ERAP1: variants seen among roughly 807,000 people sequenced by gnomAD.
ERAP1 encodes the protein adipocyte-derived leucine aminopeptidase.
A neutral mutation model predicts 103.7 loss-of-function variants in ERAP1; 86 were observed. The ratio of observed to expected loss-of-function variants is 0.83; its 90% CI spans 0.70 to 0.99. The LOEUF is 0.99. Among genes scored for constraint, ERAP1 ranks in the 50% least tolerant of loss-of-function variants. The pLI is 0.00. For missense variants in ERAP1, 1,009 were observed against 1,128.4 expected (o/e 0.89, Z 1.52); for synonymous variants, 398 against 402.4 (o/e 0.99, Z 0.13).
Position 96,803,557 on chromosome 5 carries a change from C to T in ERAP1, c.370G>A (p.Glu124Lys). ...RLSEEPLQVL[E>K]HPRQEQIALL... ...GCAATTTGCTCCTGACGGGGGTGTT[C>T]CAGGACCTGCAGGGGTTCTTCCGAT... Residue 124 changes from glutamate (E) to lysine (K), a missense_variant, in exon 2 of 19, where the codon GAA becomes AAA. Glu to Lys is a moderately conservative substitution (Grantham distance 56). This residue lies in a region of ERAP1 where 392 missense variants were observed against 455.2 expected (regional missense o/e 0.86). Coordinates refer to ENST00000443439, the MANE Select transcript of ERAP1 (RefSeq NM_001040458.3). 1 of 1,613,850 alleles carries T rather than the reference C, an allele frequency of 6.2e-7. No individual in the cohort carries two copies. The highest frequency in any genetic ancestry group is 8.5e-7 in the Non-Finnish European group (1 of 1,179,786).
the ERAP1 span, chr5:96,880,018 C>T: frequency 6.2e-7 from 1 of 1,614,166 alleles, no homozygotes; most frequent in Non-Finnish European, 8.5e-7. Flanking sequence ...TCATCTTGCA[C>T]AGCAAAGATC....
chr5:96,804,416 T>C (rs1442156962), intron 1 of ERAP1: 1 of 204,692 alleles, frequency 4.9e-6, no homozygotes, highest in Non-Finnish European at 1.0e-5. Flanking sequence ...AAAGTCACCC[T>C]AGTACCCTGG....
the ERAP1 span, chr5:96,886,725 A>T: frequency 1.3e-6 from 2 of 1,551,504 alleles, no homozygotes; most frequent in Admixed American, 3.4e-5. Flanking sequence ...ATGAGTACAT[A>T]CCTTGTAGCC....
Position 96,803,904 on chromosome 5 carries a change from C to T in ERAP1, c.23G>A (p.Trp8Ter), listed in dbSNP as rs536387212. 5 of 1,608,262 alleles carry T rather than the reference C, an allele frequency of 3.1e-6. No homozygotes were observed. The highest frequency in any genetic ancestry group is 3.3e-5 in the Admixed American group (2 of 60,006). Reference sequence around the variant, plus strand: ...TAGAAATGACATGGTTGCAAGGGACCATTTGAGGGGCAGAAACACCATCTT... The same window carrying T: ...TAGAAATGACATGGTTGCAAGGGACTATTTGAGGGGCAGAAACACCATCTT... MVFLPLKWSLATMSFLLS... is the reference protein window; with the variant it reads MVFLPLK The change falls in exon 2 of 19, where the codon TGG becomes TAG. Residue 8 changes from tryptophan to a stop codon, truncating the protein, a stop_gained. Transcript: ENST00000443439. LOFTEE classifies it high-confidence loss of function.
the ERAP1 span, chr5:96,873,575 T>C: frequency 2.3e-6 from 1 of 426,184 alleles, no homozygotes; most frequent in Non-Finnish European, 4.7e-6. Context: ...TCTAGGTCAA[T>C]GGAGAGGAAG....
At chr5:96,892,355 A>C in the ERAP1 span, 3 of 1,613,934 alleles carry the variant, frequency 1.9e-6, no homozygotes, top group Admixed American at 1.7e-5. Flanking sequence ...GGGCCTCATT[A>C]CATATAGGGA....
At chr5:96,815,186 C>T in the ERAP1 span, among the ~76,000 whole-genome samples, 1 of 152,150 alleles carries the variant, frequency 6.6e-6, no homozygotes, top group Non-Finnish European at 1.5e-5. Context: ...GTTTCTGTAG[C>T]ATTGTGTTAG....
chr5:96,809,526 C>A (rs956290208), upstream of ERAP1, among the ~76,000 whole-genome samples: 2 of 151,962 alleles, frequency 1.3e-5, no homozygotes, highest in African/African-American at 4.8e-5. Flanking sequence ...TATTATGTTT[C>A]CTTTTTAAAA....
chr5:96,813,524 G>A, the ERAP1 span, among the ~76,000 whole-genome samples: 4,209 of 151,726 alleles, frequency 0.028, 182 homozygotes, highest in African/African-American at 0.097. Context: ...GTGGTGGTAC[G>A]TGCCTGTAGT....
At position 96,775,619 on chromosome 5, in the gene ERAP1, C is replaced by G. The variant is rs890748845; in HGVS notation, c.*777G>C. On this transcript the variant is annotated 3_prime_UTR_variant, in exon 19 of 19. Transcript: ENST00000443439. ...CATTATGTAGAAACCACAAGTCCGC[C>G]AGGACTAGTAAAAGCCAGACTCCCA... The G allele has an allele frequency of 9.4e-6, 5 of 532,776 alleles. No homozygotes were observed. The African/African-American group carries it at 1.0e-4, about 11-fold the overall frequency. The allele number at this position is 532,776 out of a possible 1,614,324, so 33.0% of individuals were successfully genotyped here. A position where few individuals can be genotyped will look rare whatever the true frequency, so the allele number is the denominator to read the frequency against.
intron 18 of ERAP1, chr5:96,776,798 A>C: frequency 2.0e-6 from 1 of 509,006 alleles, no homozygotes; most frequent in East Asian, 3.6e-5. Context: ...AAAAGACTTC[A>C]CTGTTTACCA....
chr5:96,903,178 A>G, the ERAP1 span, among the ~76,000 whole-genome samples: 1,124 of 152,342 alleles, frequency 7.4e-3, 7 homozygotes, highest in Middle Eastern at 0.014. Context: ...CCTATGAATT[A>G]ACTTATTTAT....
chr5:96,775,931 G>C lies in ERAP1; in HGVS notation c.*465C>G, dbSNP rs1774194388. On this transcript the variant is annotated 3_prime_UTR_variant, in exon 19 of 19. Coordinates refer to ENST00000443439, the MANE Select transcript of ERAP1 (RefSeq NM_001040458.3). ...GGGCATGGAGCAAGGAAGAGGGATG[G>C]GCAGCGGGTCTGGAGGGGTGAGCCG... The C allele has an allele frequency of 9.8e-7, 1 of 1,020,194 alleles. No homozygotes were observed. The highest frequency in any genetic ancestry group is 1.2e-6 in the Non-Finnish European group (1 of 848,522). The allele number at this position is 1,020,194 out of a possible 1,614,324, so 63.2% of individuals were successfully genotyped here. A position where few individuals can be genotyped will look rare whatever the true frequency, so the allele number is the denominator to read the frequency against.
the ERAP1 span, among the ~76,000 whole-genome samples, chr5:96,914,148 T>TCTCACA: frequency 3.7e-3 from 550 of 148,060 alleles, 10 homozygotes; most frequent in East Asian, 0.039. Context: ...TCTCTCTCTC[T>TCTCACA]CACACACACA....
downstream of ERAP1, chr5:96,773,601 TTATATA>T (rs34189592): frequency 1.3e-5 from 2 of 151,530 alleles, no homozygotes; most frequent in Non-Finnish European, 2.9e-5. Flanking sequence ...TTTAAAAAAA[TTATATA>T]TATATATTAA....
chr5:96,788,685 G>A lies in ERAP1; in HGVS notation c.1525C>T (p.His509Tyr), dbSNP rs1388175293. The change falls in exon 11 of 19, where the codon CAT becomes TAT. Residue 509 changes from histidine to tyrosine, a missense_variant and splice_region_variant. Physicochemically the swap from His to Tyr is moderately conservative, Grantham distance 83. Coordinates refer to ENST00000443439, the MANE Select transcript of ERAP1 (RefSeq NM_001040458.3). ...ACATCCACCCCTTCCTGATGCCAAT[G>A]CTGGTGTGTACACAAAAAGGCAGAC... Reference protein sequence around the residue: ...SRSQHSSSSSHWHQEGVDVKT... With the variant: ...SRSQHSSSSSYWHQEGVDVKT... 1.2e-6 allele frequency: 2 copies of A among 1,613,834 alleles called. No homozygotes were observed. Among genetic ancestry groups the A allele is most frequent in the Non-Finnish European group, 1.7e-6 (2 of 1,179,966 alleles).
chr5:96,807,121 C>A (rs185614199), intron 1 of ERAP1, among the ~76,000 whole-genome samples: 9 of 152,312 alleles, frequency 5.9e-5, no homozygotes, highest in Non-Finnish European at 1.2e-4. Flanking sequence ...GTGCTCTCCC[C>A]CTTCCCCTCA....
chr5:96,917,322 T>G, the ERAP1 span: 18 of 607,634 alleles, frequency 3.0e-5, no homozygotes, highest in Non-Finnish European at 4.7e-5. Flanking sequence ...GGTTCTGGCA[T>G]GTTGCCTAGG....
chr5:96,906,167 C>G, the ERAP1 span, among the ~76,000 whole-genome samples: 1 of 139,500 alleles, frequency 7.2e-6, no homozygotes, highest in Non-Finnish European at 1.5e-5. Flanking sequence ...TTCTCTTAAC[C>G]ACGACACGAC....
Sources: gnomAD v4.1 joint callset for allele counts (sites outside exome capture counted in the v4.1 genomes callset) on GRCh38, gnomAD v4.1.1 for gene constraint, gnomAD v4.1.1 regional missense constraint, MANE v1.5 for transcripts, NCBI Gene and HGNC (gene_info 2026-07-23, HGNC 2026-07-21) for gene names.